The following NUS1 variants were observed in gnomAD, a reference collection of about 807,000 sequenced individuals.
NUS1 encodes dehydrodolichyl diphosphate synthase complex subunit NUS1.
For missense variants in NUS1, 292 were observed against 382.9 expected, an observed-to-expected ratio of 0.76 and a Z score of 1.98; for synonymous variants, 135 against 155.2, an observed-to-expected ratio of 0.87 and a Z score of 0.97.
intron 1 of NUS1, 120 bp from the exon 2 acceptor site, chr6:117,692,922 A>G (rs1227613786): frequency 2.5e-6 from 2 of 790,074 alleles, no homozygotes; most frequent in Non-Finnish European, 4.1e-6. Flanking sequence ...AGGACTAGTC[A>G]TTACAGCTTT....
chr6:117,676,109 G>A, intron 1 of NUS1, 24 bp downstream of exon 1: 2 of 1,550,150 alleles, frequency 1.3e-6, no homozygotes, highest in Non-Finnish European at 1.7e-6. Context: ...CGGTGGTGGG[G>A]GGTGGCCGAG....
intron 2 of NUS1, among the ~76,000 whole-genome samples, chr6:117,693,449 G>A (rs1773271187): frequency 6.6e-6 from 1 of 152,036 alleles, no homozygotes; most frequent in Non-Finnish European, 1.5e-5. Flanking sequence ...TATAAATAGA[G>A]GTACAACTGG....
rs28362519 is a variant in NUS1, at chr6:117,693,163, T to A, written c.537T>A (p.Asp179Glu). 3.4e-4 allele frequency: 550 copies of A among 1,612,470 alleles called. 8 individuals are homozygous for A. In the East Asian group the frequency reaches 0.011, roughly 32 times the overall value. Residue 179 changes from aspartate (D) to glutamate (E), a missense_variant, in exon 2 of 5, where the codon GAT becomes GAA. Transcript: ENST00000368494. ...PEFANSNDKD[D>E]QVLNCHLAVK... ...TTGCAAATAGTAATGACAAAGATGA[T>A]CAAGGTAAGCATGAGTGTATAATTG...
chr6:117,703,567 G>C, intron 3 of NUS1, 38 bp from the exon 4 acceptor site: 1 of 1,322,518 alleles, frequency 7.6e-7, no homozygotes, highest in Non-Finnish European at 1.1e-6. Flanking sequence ...TGCACATGCA[G>C]TGCATGTTAA....
At position 117,710,557 on chromosome 6, in the gene NUS1, G is replaced by T. The variant is rs1429372066; in HGVS notation, c.*3542G>T. The T allele has an allele frequency of 1.3e-5, 2 of 151,914 alleles. No homozygotes were observed. The highest frequency in any genetic ancestry group is 6.6e-5 in the Admixed American group (1 of 15,256). The allele number at this position is 151,914 out of a possible 1,614,324, so 9.4% of individuals were successfully genotyped here. A position where few individuals can be genotyped will look rare whatever the true frequency, so the allele number is the denominator to read the frequency against. On this transcript the variant is annotated 3_prime_UTR_variant, in exon 5 of 5. Transcript: ENST00000368494. ...TGATTACATTTTTGGTGATCACCGA[G>T]AATTTTTTGTACTATATTTTAAAAA... is the stretch of plus-strand genomic sequence containing the variant.
chr6:117,688,556 T>A (rs1773172920), intron 1 of NUS1, among the ~76,000 whole-genome samples: 1 of 152,166 alleles, frequency 6.6e-6, no homozygotes, highest in African/African-American at 2.4e-5. Context: ...CTTGTCCTCT[T>A]CCAGTCTTGT....
At chr6:117,699,606 CTATCAAAA>C (rs1281352213) in intron 3 of NUS1, among the ~76,000 whole-genome samples, 1 of 152,062 alleles carries the variant, frequency 6.6e-6, no homozygotes, top group Non-Finnish European at 1.5e-5. Flanking sequence ...TCAATGCAGT[CTATCAAAA>C]TATCAGTGAC....
Position 117,675,539 on chromosome 6 carries a change from G to A in NUS1, c.-132G>A, listed in dbSNP as rs1210550018. On this transcript the variant is annotated 5_prime_UTR_variant, in exon 1 of 5. Coordinates refer to ENST00000368494, the MANE Select transcript of NUS1 (RefSeq NM_138459.5). ...GGGGGCGAGGTGAGGTGTTGGCAGT[G>A]GAAAGGGGTTCGGGCTCGGGGGGCG... 9.9e-6 allele frequency: 9 copies of A among 908,688 alleles called. No homozygotes were observed. Among genetic ancestry groups the A allele is most frequent in the Non-Finnish European group, 1.5e-5 (9 of 604,188 alleles). The allele number at this position is 908,688 out of a possible 1,614,324, so 56.3% of individuals were successfully genotyped here. A position where few individuals can be genotyped will look rare whatever the true frequency, so the allele number is the denominator to read the frequency against.
At chr6:117,676,513 G>C (rs1017944042) in intron 1 of NUS1, among the ~76,000 whole-genome samples, 16 of 152,316 alleles carry the variant, frequency 1.1e-4, no homozygotes, top group African/African-American at 3.6e-4. Flanking sequence ...GGGAGGCGGA[G>C]GTTGTGGTGA....
At chr6:117,699,845 C>T (rs1014581574) in intron 3 of NUS1, among the ~76,000 whole-genome samples, 2 of 151,808 alleles carry the variant, frequency 1.3e-5, no homozygotes, top group African/African-American at 4.8e-5. Context: ...AATCTAGAGA[C>T]AAATGCATAC....
chr6:117,676,768 T>A (rs1261831102), intron 1 of NUS1, among the ~76,000 whole-genome samples: 2 of 152,200 alleles, frequency 1.3e-5, no homozygotes, highest in Non-Finnish European at 2.9e-5. Flanking sequence ...CATTCTGTGC[T>A]TTTTCACAAT....
rs1772969625 is a variant in NUS1, at chr6:117,675,889, C to G, written c.219C>G (p.Arg73=). 3.9e-6 allele frequency: 6 copies of G among 1,535,400 alleles called. No homozygotes were observed. The highest frequency in any genetic ancestry group is 5.3e-6 in the Non-Finnish European group (6 of 1,140,034). Residue 73 remains arginine, a synonymous_variant, in exon 1 of 5, where the codon CGC becomes CGG. Transcript: ENST00000368494. ...ACCGCCGTCACCACCGGCACCCGCG[C>G]GGGGGGTCGTGCCTGGCAGCCGCAC... is the stretch of plus-strand genomic sequence containing the variant. The part of the protein sequence containing the change: ...GRNRRHHRHP[R]GGSCLAAAHH...
chr6:117,688,797 G>A (rs749902242), intron 1 of NUS1, among the ~76,000 whole-genome samples: 8 of 152,126 alleles, frequency 5.3e-5, no homozygotes, highest in Non-Finnish European at 1.2e-4. Flanking sequence ...TTAATGTTTT[G>A]TTCATCATGG....
At chr6:117,695,397 T>C (rs1773305430) in intron 3 of NUS1, among the ~76,000 whole-genome samples, 2 of 152,112 alleles carry the variant, frequency 1.3e-5, no homozygotes, top group African/African-American at 4.8e-5. Context: ...TGCCTAATTA[T>C]ATTCAGGCTC....
chr6:117,710,659 C>T lies in NUS1; in HGVS notation c.*3644C>T, dbSNP rs1156750171. On this transcript the variant is annotated 3_prime_UTR_variant, in exon 5 of 5. Coordinates refer to ENST00000368494, the MANE Select transcript of NUS1 (RefSeq NM_138459.5). ...CTAGAAATTGAGAGTCTTGCATTCT[C>T]TTTTGTATTTGATTATTGTGTCTGG... 2 of 152,008 alleles carry T rather than the reference C, an allele frequency of 1.3e-5. No homozygotes were observed. Among genetic ancestry groups the T allele is most frequent in the African/African-American group, 4.8e-5 (2 of 41,422 alleles). 9.4% of individuals were successfully genotyped at this position (152,008 alleles called of 1,614,324 possible).
At position 117,694,067 on chromosome 6, in the gene NUS1, C is replaced by A; in HGVS notation, c.578C>A (p.Pro193Gln). ...CATTTGGCAGTGAAGGTGCTGTCTC[C>A]GGAAGATGGAAAAGCAGATATTGTA... The part of the protein sequence containing the change: ...NCHLAVKVLS[P>Q]EDGKADIVRA... Residue 193 changes from proline to glutamine, a missense_variant, in exon 3 of 5, where the codon CCG becomes CAG. Coordinates refer to ENST00000368494, the MANE Select transcript of NUS1 (RefSeq NM_138459.5). The A allele has an allele frequency of 6.2e-7, 1 of 1,610,996 alleles. No individual in the cohort carries two copies. The highest frequency in any genetic ancestry group is 8.5e-7 in the Non-Finnish European group (1 of 1,178,716).
In NUS1 at chr6:117,675,850, G is replaced by C; in HGVS notation, c.180G>C (p.Pro60=). ...APLGFTLRKP[P]AVGRNRRHHR... ...TCGGCTTCACGCTCCGCAAGCCCCC[G>C]GCAGTCGGCAGGAACCGCCGTCACC... is the stretch of plus-strand genomic sequence containing the variant. The change falls in exon 1 of 5, where the codon CCG becomes CCC. Residue 60 remains proline, a synonymous_variant. Transcript: ENST00000368494. 1 of 1,537,990 alleles carries C rather than the reference G, an allele frequency of 6.5e-7. No homozygotes were observed. Among genetic ancestry groups the C allele is most frequent in the Non-Finnish European group, 8.8e-7 (1 of 1,142,336 alleles).
chr6:117,692,911 T>C (rs1773262036), intron 1 of NUS1, 131 bp from the exon 2 acceptor site: 1 of 703,508 alleles, frequency 1.4e-6, no homozygotes, highest in South Asian at 2.0e-5. Context: ...GATTCTAGTT[T>C]AGGACTAGTC....
intron 1 of NUS1, among the ~76,000 whole-genome samples, chr6:117,689,367 A>T (rs1212141375): frequency 6.6e-6 from 1 of 152,182 alleles, no homozygotes; most frequent in East Asian, 1.9e-4. Context: ...GTTTTTAAAA[A>T]GAGTATCAAA....
Sources: allele counts gnomAD v4.1 joint callset (sites outside exome capture counted in the v4.1 genomes callset), GRCh38; gene constraint gnomAD v4.1.1; transcripts MANE v1.5; gene names NCBI Gene and HGNC (gene_info 2026-07-23, HGNC 2026-07-21).